Variants in MGST1 observed in about 807,000 individuals in gnomAD.
The protein encoded by MGST1 is glutathione S-transferase 12.
Under a neutral mutation model 8.9 loss-of-function variants are expected in MGST1, and 5 were observed. The ratio of observed to expected loss-of-function variants is 0.56; its 90% CI spans 0.29 to 1.19. The LOEUF (loss-of-function observed/expected upper bound fraction) is 1.19, where lower values mean the gene tolerates loss of function less well. Among genes scored for constraint, MGST1 ranks in the 50% most tolerant of loss-of-function variants. The pLI, the probability that MGST1 is intolerant of heterozygous loss-of-function variation, is 0.08. For missense variants in MGST1, 182 were observed against 187.4 expected, an observed-to-expected ratio of 0.97 and a Z score of 0.17; for synonymous variants, 54 against 67.8, an observed-to-expected ratio of 0.80 and a Z score of 1.00.
Position 16,586,302 on chromosome 12 carries a change from G to A in MGST1, n.483-3226G>A, listed in dbSNP as rs558344476. Among the ~76,000 whole-genome samples the A allele has an allele frequency of 1.3e-5, 2 of 152,258 alleles. No homozygotes were observed. Among genetic ancestry groups the A allele is most frequent in the South Asian group, 2.1e-4 (1 of 4,824 alleles). On this transcript the variant is annotated intron_variant and non_coding_transcript_variant, in intron 4 of 4. Transcript: ENST00000538857. The surrounding 1 kb of genome is among the most constrained non-coding windows in gnomAD (Gnocchi z 4.3). The stretch of plus-strand genomic sequence containing the variant: ...ACAGAGTGTTAAGATGTCATGATAC[G>A]ATGAAGTCCACATACGGAACAACTA...
intron 4 of MGST1, among the ~76,000 whole-genome samples, chr12:16,463,485 G>A (rs1179431411): frequency 6.6e-6 from 1 of 151,804 alleles, no homozygotes; most frequent in Non-Finnish European, 1.5e-5. Flanking sequence ...TAGATGCTGG[G>A]CTTAATACCT....
chr12:16,496,338 C>A (rs1941469583), intron 4 of MGST1, among the ~76,000 whole-genome samples: 1 of 151,832 alleles, frequency 6.6e-6, no homozygotes, highest in South Asian at 2.1e-4. Flanking sequence ...AATAGTGGAG[C>A]CAGATAGGTG....
intron 4 of MGST1, among the ~76,000 whole-genome samples, chr12:16,531,656 G>A (rs1941724523): frequency 6.6e-6 from 1 of 152,062 alleles, no homozygotes; most frequent in Non-Finnish European, 1.5e-5. Context: ...GATTCCTTGA[G>A]TTTTTAGGGA....
At chr12:16,505,085 C>G (rs2137172257) in intron 4 of MGST1, among the ~76,000 whole-genome samples, 1 of 152,140 alleles carries the variant, frequency 6.6e-6, no homozygotes, top group East Asian at 1.9e-4. Context: ...GTGACTTTTT[C>G]TTAGCCTGCT....
downstream of MGST1, among the ~76,000 whole-genome samples, chr12:16,368,979 C>A (rs778878800): frequency 3.3e-5 from 5 of 151,912 alleles, no homozygotes; most frequent in Non-Finnish European, 5.9e-5. Context: ...TTTTTAATGA[C>A]CCAAAACTAA....
At chr12:16,395,437 A>G (rs1317318906) in intron 1 of MGST1, among the ~76,000 whole-genome samples, 4 of 152,022 alleles carry the variant, frequency 2.6e-5, no homozygotes, top group Non-Finnish European at 4.4e-5. Context: ...ATTTATTTCC[A>G]TAGGTTTTTG....
intron 4 of MGST1, among the ~76,000 whole-genome samples, chr12:16,574,678 G>A (rs1942935999): frequency 6.6e-6 from 1 of 152,128 alleles, no homozygotes; most frequent in Non-Finnish European, 1.5e-5. Flanking sequence ...TTAACTGCAA[G>A]ACACATAAAG....
chr12:16,593,323 A>G (rs1380380326), downstream of MGST1, among the ~76,000 whole-genome samples: 1 of 151,794 alleles, frequency 6.6e-6, no homozygotes, highest in Non-Finnish European at 1.5e-5. The surrounding 1 kb of genome is among the most constrained non-coding windows in gnomAD (Gnocchi z 4.2). Context: ...AAATTGAATC[A>G]TAACAACACA....
At chr12:16,509,553 AACTGGGTGG>A (rs200180707) in intron 4 of MGST1, among the ~76,000 whole-genome samples, 3,299 of 152,288 alleles carry the variant, frequency 0.022, 50 homozygotes, top group Non-Finnish European at 0.033. Flanking sequence ...TAGATGTGTA[AACTGGGTGG>A]ACGCCAATTG....
intron 4 of MGST1, among the ~76,000 whole-genome samples, chr12:16,462,802 A>G (rs1941230279): frequency 6.6e-6 from 1 of 152,186 alleles, no homozygotes. Context: ...CGTGGTAGCT[A>G]ACTATAAACT....
At chr12:16,592,161 T>C (rs575442672), downstream of MGST1, among the ~76,000 whole-genome samples, 1 of 152,152 alleles carries the variant, frequency 6.6e-6, no homozygotes, top group African/African-American at 2.4e-5. Flanking sequence ...ATTCATTATT[T>C]ATAAGAACGA....
At chr12:16,356,443 A>T (rs1229788363) in intron 2 of MGST1, among the ~76,000 whole-genome samples, 1 of 152,156 alleles carries the variant, frequency 6.6e-6, no homozygotes, top group East Asian at 1.9e-4. Context: ...CCAGATAAAG[A>T]TGTTGAGGAA....
chr12:16,426,737 G>C (rs1940892537), intron 1 of MGST1, among the ~76,000 whole-genome samples: 1 of 152,014 alleles, frequency 6.6e-6, no homozygotes, highest in African/African-American at 2.4e-5. Context: ...GGATCACAAG[G>C]TCAGGAGATT....
chr12:16,444,182 G>GTTTTTTTTTTT (rs1410059091), intron 4 of MGST1, among the ~76,000 whole-genome samples: 1 of 135,044 alleles, frequency 7.4e-6, no homozygotes, highest in Non-Finnish European at 1.6e-5. Flanking sequence ...TGGCTGATTT[G>GTTTTTTTTTTT]GTTTTTTTTT....
chr12:16,467,220 G>A (rs1400658769), intron 4 of MGST1, among the ~76,000 whole-genome samples: 1 of 152,080 alleles, frequency 6.6e-6, no homozygotes, highest in Non-Finnish European at 1.5e-5. Flanking sequence ...GGTGTTTTCT[G>A]GTCTACTACT....
intron 4 of MGST1, among the ~76,000 whole-genome samples, chr12:16,505,739 T>C (rs908271408): frequency 6.6e-6 from 1 of 152,220 alleles, no homozygotes; most frequent in Admixed American, 6.5e-5. Flanking sequence ...AAGCTATCTT[T>C]CTAAAGCACA....
At chr12:16,376,225 C>T (rs1051634320) in exon 4 of MGST1, 112 of 701,664 alleles carry the variant, frequency 1.6e-4, no homozygotes, top group Middle Eastern at 4.8e-4. Context: ...AGAAGCAAAC[C>T]AGTGAATAAT....
rs1024511696 is a variant in MGST1 at position 16,389,243 on chromosome 12, AAT to A, written n.778+5641_778+5642del. ...ATTTTAGCTTCACAAACTGAAAAGA[AAT>A]AGTTTGTTTACTCGATGCATCAACA... On this transcript the variant is annotated intron_variant and non_coding_transcript_variant, in intron 1 of 1. Coordinates refer to the MGST1 transcript ENST00000359720. The surrounding 1 kb of genome is among the most constrained non-coding windows in gnomAD (Gnocchi z 4.6). 1.3e-5 allele frequency among the ~76,000 whole-genome samples: 2 copies of A among 152,224 alleles called. No individual in the cohort carries two copies. The highest frequency in any genetic ancestry group is 2.9e-5 in the Non-Finnish European group (2 of 68,038).
At chr12:16,484,739 C>T (rs552532107) in intron 4 of MGST1, among the ~76,000 whole-genome samples, 16 of 152,220 alleles carry the variant, frequency 1.1e-4, no homozygotes, top group South Asian at 2.1e-4. Flanking sequence ...GGAAACCATC[C>T]GCATGATTCA....
Sources: gnomAD v4.1 joint callset for allele counts (sites outside exome capture counted in the v4.1 genomes callset) on GRCh38, gnomAD v4.1.1 for gene constraint, Gnocchi (gnomAD v3.1) non-coding constraint, MANE v1.5 for transcripts, NCBI Gene and HGNC (gene_info 2026-07-23, HGNC 2026-07-21) for gene names.